The following SPG21 variants were observed in gnomAD, a reference collection of about 807,000 sequenced individuals.
SPG21 encodes maspardin.
Under a neutral mutation model 38.9 loss-of-function variants are expected in SPG21, and 26 were observed. The observed-to-expected ratio is 0.67, with a 90% CI of 0.49 to 0.93. The LOEUF is 0.93. Ranked by LOEUF, SPG21 falls within the 40% of genes least tolerant of loss-of-function variation. SPG21 has a pLI of 0.00. For synonymous variants in SPG21, 136 were observed against 128.9 expected (o/e 1.05, Z -0.37); for missense variants, 333 against 376.5 (o/e 0.88, Z 0.96).
At position 64,974,545 on chromosome 15, in the gene SPG21, C is replaced by T. The variant is rs1004121325; in HGVS notation, c.452+57G>A. On this transcript the variant is annotated intron_variant, in intron 5 of 8. Transcript: ENST00000204566. The stretch of plus-strand genomic sequence containing the variant: ...TCTTCCCTTCCTAATGTACCAAACA[C>T]TCAAAAGCCAACATTTTCAAAATTT... 5 of 1,603,224 alleles carry T rather than the reference C, an allele frequency of 3.1e-6. No individual in the cohort carries two copies. The Admixed American group carries it at 8.4e-5, about 27-fold the overall frequency.
intron 3 of SPG21, among the ~76,000 whole-genome samples, chr15:64,979,419 G>A (rs1484987835): frequency 6.6e-6 from 1 of 152,192 alleles, no homozygotes; most frequent in Non-Finnish European, 1.5e-5. Flanking sequence ...TGTTTGTGAA[G>A]AGGAATGACT....
intron 3 of SPG21, 116 bp from the exon 4 acceptor site, chr15:64,976,671 C>T: frequency 1.4e-6 from 1 of 722,906 alleles, no homozygotes; most frequent in Non-Finnish European, 2.4e-6. Flanking sequence ...AAGCGCTGCT[C>T]CTTATTCAAA....
intron 7 of SPG21, among the ~76,000 whole-genome samples, chr15:64,968,619 G>A (rs1200677820): frequency 6.6e-6 from 1 of 152,060 alleles, no homozygotes; most frequent in African/African-American, 2.4e-5. Context: ...AATGGTGATG[G>A]TTGCCGAACT....
At chr15:64,965,193 G>T in intron 8 of SPG21, 127 bp downstream of exon 8, 1 of 1,282,724 alleles carries the variant, frequency 7.8e-7, no homozygotes, top group Non-Finnish European at 1.1e-6. Context: ...CTTTTATCAA[G>T]TCAATGCCTC....
chr15:64,964,421 G>A (rs1256522938), intron 8 of SPG21, among the ~76,000 whole-genome samples: 1 of 152,056 alleles, frequency 6.6e-6, no homozygotes, highest in African/African-American at 2.4e-5. Flanking sequence ...TCCTGTTTAG[G>A]ATCCTGTCTT....
intron 2 of SPG21, chr15:64,981,252 C>G (rs1178802674): frequency 1.9e-6 from 1 of 534,014 alleles, no homozygotes; most frequent in Non-Finnish European, 3.3e-6. Context: ...TATAATCTTC[C>G]AAAGGGCTGC....
At chr15:64,964,451 T>C (rs1227143815) in intron 8 of SPG21, among the ~76,000 whole-genome samples, 1 of 152,052 alleles carries the variant, frequency 6.6e-6, no homozygotes, top group Non-Finnish European at 1.5e-5. Context: ...GATGACAGGA[T>C]CAAGGGATAT....
rs765944854 is a variant in SPG21 at position 64,965,336 on chromosome 15, A to G, written c.794T>C (p.Val265Ala). Residue 265 changes from valine to alanine, a missense_variant, in exon 8 of 9, where the codon GTC (valine) becomes GCC (alanine). Physicochemically the swap from Val to Ala is moderately conservative, Grantham distance 64. Transcript: ENST00000204566. Reference sequence around the variant, plus strand: ...AGGCCTTACCTGTACATAAAGATTGACCTCTGCACTTCTGCACAGGTATGG... The same window carrying G: ...AGGCCTTACCTGTACATAAAGATTGGCCTCTGCACTTCTGCACAGGTATGG... ...NFPYLCRSAE[V>A]NLYVQIHLLQ... The G allele has an allele frequency of 1.2e-6, 2 of 1,614,032 alleles. No homozygotes were observed. The highest frequency in any genetic ancestry group is 1.7e-6 in the Non-Finnish European group (2 of 1,180,016).
intron 6 of SPG21, 151 bp downstream of exon 6, chr15:64,969,963 C>A (rs1040201623): frequency 2.6e-6 from 2 of 780,426 alleles, no homozygotes; most frequent in African/African-American, 1.7e-5. Context: ...TGTAGGCAAG[C>A]CCTTACCAGC....
At chr15:64,967,509 CTA>C (rs1054738408) in intron 7 of SPG21, among the ~76,000 whole-genome samples, 11 of 150,662 alleles carry the variant, frequency 7.3e-5, no homozygotes, top group African/African-American at 2.7e-4. Flanking sequence ...AAGTCTCACT[CTA>C]TTGGCAGGCT....
At chr15:64,985,041 G>A (rs1214911247) in intron 1 of SPG21, among the ~76,000 whole-genome samples, 1 of 152,166 alleles carries the variant, frequency 6.6e-6, no homozygotes, top group Non-Finnish European at 1.5e-5. Flanking sequence ...GAGCCACCGT[G>A]CCCCGCCTAC....
intron 5 of SPG21, among the ~76,000 whole-genome samples, chr15:64,971,286 T>A (rs2085655855): frequency 6.6e-6 from 1 of 151,858 alleles, no homozygotes; most frequent in African/African-American, 2.4e-5. Context: ...ATGCCTGTAA[T>A]CCCAGCACTT....
chr15:64,989,854 A>C lies in SPG21; in HGVS notation c.-214T>G, dbSNP rs2086081586. 7.0e-6 allele frequency: 1 copy of C among 141,890 alleles called. No individual in the cohort carries two copies. Among genetic ancestry groups the C allele is most frequent in the African/African-American group, 3.1e-5 (1 of 31,878 alleles). The allele number at this position is 141,890 out of a possible 1,614,324, so 8.8% of individuals were successfully genotyped here. ...TCTGAGGGGGCGGGGCGCGTGGCCG[A>C]GCGAGCTTGGGCCGCCGCGCTCCCC... On this transcript the variant is annotated 5_prime_UTR_variant, in exon 1 of 9. Coordinates refer to ENST00000204566, the MANE Select transcript of SPG21 (RefSeq NM_016630.7).
chr15:64,972,725 G>A (rs374699289), intron 5 of SPG21, among the ~76,000 whole-genome samples: 2 of 152,136 alleles, frequency 1.3e-5, no homozygotes, highest in Non-Finnish European at 2.9e-5. Flanking sequence ...CCAGCTATTC[G>A]GGAGGCTGAG....
At chr15:64,969,891 C>T (rs1291542832) in intron 6 of SPG21, among the ~76,000 whole-genome samples, 1 of 152,124 alleles carries the variant, frequency 6.6e-6, no homozygotes. Flanking sequence ...TGAGGCCTTA[C>T]AATCTGTATT....
chr15:64,980,203 C>G lies in SPG21; in HGVS notation c.225+661G>C, dbSNP rs949647925. Reference sequence around the variant, plus strand: ...GACGGAGCTCAGTTCCTCCCTCCACCACTACTGGCTGTGTGAGCCGGACCT... The same window carrying G: ...GACGGAGCTCAGTTCCTCCCTCCACGACTACTGGCTGTGTGAGCCGGACCT... On this transcript the variant is annotated intron_variant, in intron 3 of 8. Coordinates refer to ENST00000204566, the MANE Select transcript of SPG21 (RefSeq NM_016630.7). Among the ~76,000 whole-genome samples, 5 of 152,126 alleles carry G rather than the reference C, an allele frequency of 3.3e-5. No individual in the cohort carries two copies. In the South Asian group the frequency reaches 1.0e-3, roughly 31 times the overall value.
At chr15:64,976,453 TA>T (rs1391113273) in intron 4 of SPG21, 21 bp downstream of exon 4, 1 of 1,540,350 alleles carries the variant, frequency 6.5e-7, no homozygotes, top group East Asian at 2.2e-5. Context: ...TGTATGTATG[TA>T]ATTAGTTTCA....
At chr15:64,984,502 C>T (rs116257374) in intron 1 of SPG21, among the ~76,000 whole-genome samples, 2,410 of 152,020 alleles carry the variant, frequency 0.016, 64 homozygotes, top group African/African-American at 0.054. Flanking sequence ...AATGGGCACA[C>T]ACCACCACGT....
chr15:64,969,493 G>T, intron 6 of SPG21, 131 bp from the exon 7 acceptor site: 1 of 707,558 alleles, frequency 1.4e-6, no homozygotes, highest in African/African-American at 1.8e-5. Flanking sequence ...CATCAGTGAG[G>T]AACCACAACT....
Sources: allele counts gnomAD v4.1 joint callset (sites outside exome capture counted in the v4.1 genomes callset), GRCh38; gene constraint gnomAD v4.1.1; transcripts MANE v1.5; gene names NCBI Gene and HGNC (gene_info 2026-07-23, HGNC 2026-07-21).